Variants in TDRD3 observed in about 807,000 individuals in gnomAD.
TDRD3 encodes tudor domain containing 3, also known as tudor domain-containing protein 3.
TDRD3 carries 45 observed loss-of-function variants against 86.7 expected under a neutral mutation model. The observed-to-expected ratio is 0.52, with a 90% confidence interval of 0.41 to 0.67. The LOEUF (loss-of-function observed/expected upper bound fraction) is 0.67. Among genes scored for constraint, TDRD3 ranks in the 30% least tolerant of loss-of-function variants. The pLI is 0.00. For missense variants in TDRD3, 814 were observed against 889.0 expected (o/e 0.92, Z 1.07); for synonymous variants, 298 against 301.7 (o/e 0.99, Z 0.13).
chr13:60,478,374 G>A (rs917525639), intron 5 of TDRD3, among the ~76,000 whole-genome samples: 6 of 140,896 alleles, frequency 4.3e-5, no homozygotes, highest in Admixed American at 3.1e-4. Flanking sequence ...ATGCAATCTC[G>A]GCTCACTGCA....
In TDRD3 at chr13:60,567,679, A is replaced by C. The variant is rs376161278; in HGVS notation, c.*9+29A>C. ...AACTTAACATTGTGAAGTGGTTTTC[A>C]TATAAAGAAAGATGAAATTCATGTT... is the stretch of plus-strand genomic sequence containing the variant. On this transcript the variant is annotated intron_variant, in intron 13 of 13. Transcript: ENST00000377881. 1.8e-5 allele frequency: 29 copies of C among 1,603,358 alleles called. No individual in the cohort carries two copies. In the African/African-American group the frequency reaches 3.4e-4, roughly 19 times the overall value.
intron 11 of TDRD3, among the ~76,000 whole-genome samples, chr13:60,533,517 T>G (rs1053230014): frequency 6.6e-6 from 1 of 152,008 alleles, no homozygotes; most frequent in Non-Finnish European, 1.5e-5. Flanking sequence ...AGCACGTGCC[T>G]GTAATCCCAG....
intron 12 of TDRD3, among the ~76,000 whole-genome samples, chr13:60,543,083 C>G (rs1397487993): frequency 6.6e-6 from 1 of 152,102 alleles, no homozygotes; most frequent in South Asian, 2.1e-4. Flanking sequence ...TGAAATAACT[C>G]TTTTAGTAGC....
At chr13:60,514,244 T>C (rs1439397100) in intron 10 of TDRD3, among the ~76,000 whole-genome samples, 6 of 152,144 alleles carry the variant, frequency 3.9e-5, no homozygotes, top group African/African-American at 7.2e-5. Context: ...AGAGAGATGA[T>C]TTAGGGTATC....
At chr13:60,435,191 C>G (rs935418533) in intron 1 of TDRD3, among the ~76,000 whole-genome samples, 4 of 152,096 alleles carry the variant, frequency 2.6e-5, no homozygotes, top group African/African-American at 9.7e-5. Context: ...TGCCCTGTTT[C>G]TTGAAAATTA....
chr13:60,457,995 G>A (rs965676313), intron 3 of TDRD3, among the ~76,000 whole-genome samples: 5 of 152,066 alleles, frequency 3.3e-5, no homozygotes, highest in Admixed American at 1.3e-4. Flanking sequence ...GTTCCCAAAC[G>A]AGGTCATATT....
chr13:60,534,064 A>T (rs1957644588), intron 11 of TDRD3, among the ~76,000 whole-genome samples: 1 of 152,172 alleles, frequency 6.6e-6, no homozygotes, highest in South Asian at 2.1e-4. Flanking sequence ...TAATCCCAAC[A>T]CTTTGGGAGG....
At chr13:60,497,883 G>A (rs1459584465) in intron 8 of TDRD3, among the ~76,000 whole-genome samples, 1 of 152,052 alleles carries the variant, frequency 6.6e-6, no homozygotes, top group East Asian at 1.9e-4. Context: ...TATATTAAGG[G>A]TGTGGGATAA....
intron 7 of TDRD3, among the ~76,000 whole-genome samples, chr13:60,489,166 A>G (rs774804487): frequency 6.6e-6 from 1 of 152,102 alleles, no homozygotes; most frequent in African/African-American, 2.4e-5. Flanking sequence ...TCTCTCTTAT[A>G]TTATTGATAG....
chr13:60,499,414 G>A (rs890833684), intron 8 of TDRD3, among the ~76,000 whole-genome samples: 5 of 152,214 alleles, frequency 3.3e-5, no homozygotes, highest in Admixed American at 1.3e-4. Context: ...GGTCCATAAG[G>A]TCCACCCGAA....
intron 10 of TDRD3, among the ~76,000 whole-genome samples, chr13:60,521,952 A>G (rs896323899): frequency 6.6e-6 from 1 of 152,140 alleles, no homozygotes; most frequent in Admixed American, 6.6e-5. Flanking sequence ...CCAAAACTGA[A>G]TAATTACTAT....
chr13:60,444,858 G>A, intron 3 of TDRD3, 110 bp downstream of exon 3: 2 of 534,696 alleles, frequency 3.7e-6, no homozygotes, highest in South Asian at 8.1e-5. Context: ...AAAATACTCT[G>A]GAGGTGAACA....
chr13:60,510,878 T>C, intron 10 of TDRD3, 123 bp downstream of exon 10: 1 of 920,806 alleles, frequency 1.1e-6, no homozygotes, highest in Non-Finnish European at 1.5e-6. Flanking sequence ...ACAACTATAA[T>C]ATGAACGTAT....
intron 3 of TDRD3, among the ~76,000 whole-genome samples, chr13:60,449,290 T>C (rs961544160): frequency 2.0e-5 from 3 of 152,152 alleles, no homozygotes; most frequent in Non-Finnish European, 4.4e-5. Context: ...TATATTAAAA[T>C]TAAACATCTA....
At chr13:60,424,352 A>C (rs1351532270) in intron 1 of TDRD3, among the ~76,000 whole-genome samples, 2 of 151,842 alleles carry the variant, frequency 1.3e-5, no homozygotes, top group Non-Finnish European at 2.9e-5. Context: ...TTATTGAGTT[A>C]TAAATCACAG....
intron 1 of TDRD3, among the ~76,000 whole-genome samples, chr13:60,431,703 C>CAAAAAAAAAAAAAAAAAAAAAAAAAAAA (rs67787868): frequency 3.2e-5 from 2 of 63,006 alleles, no homozygotes; most frequent in Non-Finnish European, 6.2e-5. Context: ...CTATCTTTAC[C>CAAAAAAAAAAAAAAAAAAAAAAAAAAAA]AAAAAAAAAA....
chr13:60,475,724 TA>T (rs1202968635), intron 5 of TDRD3, among the ~76,000 whole-genome samples: 1 of 152,244 alleles, frequency 6.6e-6, no homozygotes, highest in Non-Finnish European at 1.5e-5. Context: ...TTTGACTTTT[TA>T]ATAATAGCCA....
At chr13:60,539,225 T>G (rs4886237) in intron 12 of TDRD3, among the ~76,000 whole-genome samples, 69,787 of 151,800 alleles carry the variant, frequency 0.46, 16,426 homozygotes, top group South Asian at 0.55. Context: ...CATCTCTTAG[T>G]TGTCGGGCAC....
chr13:60,492,130 G>A (rs951488941), intron 7 of TDRD3, among the ~76,000 whole-genome samples: 11 of 152,090 alleles, frequency 7.2e-5, no homozygotes, highest in African/African-American at 2.2e-4. Context: ...AAGCAACTCC[G>A]AAAATGCTGC....
Sources: allele counts gnomAD v4.1 joint callset (sites outside exome capture counted in the v4.1 genomes callset), GRCh38; gene constraint gnomAD v4.1.1; transcripts MANE v1.5; gene names NCBI Gene and HGNC (gene_info 2026-07-23, HGNC 2026-07-21).